The following UGT1A9 variants were observed in gnomAD, a reference collection of about 807,000 sequenced individuals.
UGT1A9 encodes UDP glucuronosyltransferase family 1 member A9.
Under a neutral mutation model 45.0 loss-of-function variants are expected in UGT1A9, and 35 were observed. That is an observed-to-expected ratio of 0.78 (90% CI 0.59 to 1.03). The LOEUF (loss-of-function observed/expected upper bound fraction) is 1.03, where lower values mean the gene tolerates loss of function less well. Ranked by LOEUF, UGT1A9 falls within the 50% of genes least tolerant of loss-of-function variation. UGT1A9 has a pLI of 0.00. For synonymous variants in UGT1A9, 278 were observed against 250.6 expected (o/e 1.11, Z -1.03); for missense variants, 687 against 666.6 (o/e 1.03, Z -0.34).
At chr2:233,761,124 C>G (rs1406825274) in intron 1 of UGT1A9, 1 of 1,614,202 alleles carries the variant, frequency 6.2e-7, no homozygotes. Flanking sequence ...GTGGAATCAA[C>G]TGCCTTCACC....
At chr2:233,742,895 GA>G in intron 1 of UGT1A9, 1 of 165,112 alleles carries the variant, frequency 6.1e-6, no homozygotes, top group Non-Finnish European at 1.3e-5. Flanking sequence ...TTTCCCAACG[GA>G]AAAAGGTAAT....
At chr2:233,728,766 G>T (rs1264668797) in intron 1 of UGT1A9, among the ~76,000 whole-genome samples, 1 of 152,192 alleles carries the variant, frequency 6.6e-6, no homozygotes, top group East Asian at 1.9e-4. Context: ...TCAGACCTCA[G>T]CTGCTGCCTG....
chr2:233,763,551 G>A (rs946650773), intron 1 of UGT1A9, among the ~76,000 whole-genome samples: 3 of 152,122 alleles, frequency 2.0e-5, no homozygotes, highest in African/African-American at 7.2e-5. Context: ...CTACTGGTTG[G>A]TCAAGTTACT....
At chr2:233,693,117 A>T in intron 1 of UGT1A9, 1 of 1,614,178 alleles carries the variant, frequency 6.2e-7, no homozygotes, top group Non-Finnish European at 8.5e-7. Context: ...GACGGAAGCC[A>T]CTGGCTTAGT....
chr2:233,703,224 C>T (rs546346413), intron 1 of UGT1A9, among the ~76,000 whole-genome samples: 1 of 152,140 alleles, frequency 6.6e-6, no homozygotes, highest in African/African-American at 2.4e-5. Context: ...TTATCTAATT[C>T]CTTGGCATAA....
chr2:233,721,331 C>T (rs1281887450), intron 1 of UGT1A9, among the ~76,000 whole-genome samples: 1 of 152,014 alleles, frequency 6.6e-6, no homozygotes, highest in African/African-American at 2.4e-5. Flanking sequence ...TGTGGTTTTT[C>T]ACTATGAATA....
At chr2:233,712,980 G>T (rs1266934169) in intron 1 of UGT1A9, 4 of 1,613,154 alleles carry the variant, frequency 2.5e-6, no homozygotes, top group Non-Finnish European at 3.4e-6. Context: ...GCTGTCGGTG[G>T]CTTCTGCTGA....
chr2:233,740,631 C>T (rs1198172888), intron 1 of UGT1A9: 3 of 151,760 alleles, frequency 2.0e-5, no homozygotes, highest in Admixed American at 2.0e-4. Flanking sequence ...CAGGGTCATG[C>T]CTTTCCTTGC....
intron 1 of UGT1A9, chr2:233,690,380 C>G (rs188057547): frequency 1.0e-6 from 1 of 988,434 alleles, no homozygotes; most frequent in Admixed American, 2.7e-5. Flanking sequence ...ATAGGGTCCA[C>G]GTTTCCAGAC....
intron 1 of UGT1A9, chr2:233,693,506 G>T: frequency 6.2e-7 from 1 of 1,614,138 alleles, no homozygotes; most frequent in Non-Finnish European, 8.5e-7. Flanking sequence ...CCTACCATCT[G>T]TGTACCTCTT....
intron 1 of UGT1A9, among the ~76,000 whole-genome samples, chr2:233,688,342 C>T (rs10168333): frequency 0.39 from 59,258 of 152,058 alleles, 11,741 homozygotes; most frequent in South Asian, 0.45. Flanking sequence ...TTCCCATTTT[C>T]AGCCATGAAA....
At chr2:233,771,851 A>G (rs982853189) in intron 4 of UGT1A9, among the ~76,000 whole-genome samples, 2 of 135,436 alleles carry the variant, frequency 1.5e-5, no homozygotes, top group Non-Finnish European at 3.0e-5. Context: ...CTTCTTTTTC[A>G]AGAGATCAAT....
chr2:233,761,077 T>A, intron 1 of UGT1A9: 1 of 1,614,202 alleles, frequency 6.2e-7, no homozygotes, highest in Non-Finnish European at 8.5e-7. Flanking sequence ...TGTGAAGGAT[T>A]ACCCTAGGCC....
chr2:233,681,821 A>T, intron 1 of UGT1A9: 7 of 1,497,998 alleles, frequency 4.7e-6, no homozygotes, highest in South Asian at 1.4e-5. Flanking sequence ...ATTTTTTTTT[A>T]AATGAATGAA....
intron 1 of UGT1A9, chr2:233,756,085 A>G (rs75115933): frequency 6.6e-6 from 1 of 152,236 alleles, no homozygotes; most frequent in Non-Finnish European, 1.5e-5. Flanking sequence ...TGAGAAAATC[A>G]AGTAACATTA....
In UGT1A9 at chr2:233,747,539, A is replaced by G; in HGVS notation, c.856-19495A>G. 4 of 1,604,572 alleles carry G rather than the reference A, an allele frequency of 2.5e-6. No individual in the cohort carries two copies. The South Asian group carries it at 3.3e-5, about 13-fold the overall frequency. ...TTGAAACAGAACATTTTCTGAAGAC[A>G]TTTTCTAAAAGTATGGCAATTTTGA... On this transcript the variant is annotated intron_variant, in intron 1 of 4. Transcript: ENST00000354728.
chr2:233,764,196 C>T (rs923801635), intron 1 of UGT1A9, among the ~76,000 whole-genome samples: 7 of 152,120 alleles, frequency 4.6e-5, no homozygotes, highest in African/African-American at 1.7e-4. Flanking sequence ...TCAGGGGCAT[C>T]TCATCTTTTC....
chr2:233,721,017 C>G (rs1165667415), intron 1 of UGT1A9, among the ~76,000 whole-genome samples: 1 of 151,958 alleles, frequency 6.6e-6, no homozygotes, highest in Non-Finnish European at 1.5e-5. Flanking sequence ...AGTGAGGGAG[C>G]CATCTTTCTT....
chr2:233,744,810 C>A (rs79404275), intron 1 of UGT1A9, among the ~76,000 whole-genome samples: 3 of 151,852 alleles, frequency 2.0e-5, no homozygotes, highest in African/African-American at 7.3e-5. Context: ...CTAGGATTTC[C>A]TGGCTCATAC....
Sources: gnomAD v4.1 joint callset for allele counts (sites outside exome capture counted in the v4.1 genomes callset) on GRCh38, gnomAD v4.1.1 for gene constraint, MANE v1.5 for transcripts, NCBI Gene and HGNC (gene_info 2026-07-23, HGNC 2026-07-21) for gene names.